The following CDH13 variants were observed in gnomAD, a reference collection of about 807,000 sequenced individuals.
The protein encoded by CDH13 is cadherin-13.
CDH13 carries 24 observed loss-of-function variants against 63.8 expected under a neutral mutation model. The observed-to-expected ratio is 0.38, with a 90% CI of 0.27 to 0.53. The LOEUF (loss-of-function observed/expected upper bound fraction) is 0.53, where lower values mean the gene tolerates loss of function less well. Among genes scored for constraint, CDH13 ranks in the 20% least tolerant of loss-of-function variants. The pLI is 0.85. For missense variants in CDH13, 1,049 were observed against 903.1 expected, an observed-to-expected ratio of 1.16 and a Z score of -2.07; for synonymous variants, 503 against 355.3, an observed-to-expected ratio of 1.42 and a Z score of -4.67.
chr16:83,497,604 A>G (rs949942293), intron 7 of CDH13, among the ~76,000 whole-genome samples: 1 of 152,080 alleles, frequency 6.6e-6, no homozygotes, highest in African/African-American at 2.4e-5. Context: ...TGGCACATGT[A>G]TACATATGTA....
At chr16:83,631,811 T>G (rs1819111034) in intron 8 of CDH13, among the ~76,000 whole-genome samples, 1 of 152,166 alleles carries the variant, frequency 6.6e-6, no homozygotes, top group South Asian at 2.1e-4. Flanking sequence ...GCCAATGAAC[T>G]TGTAGGTTGT....
At chr16:83,056,214 A>G (rs1302904158) in intron 3 of CDH13, among the ~76,000 whole-genome samples, 2 of 152,234 alleles carry the variant, frequency 1.3e-5, no homozygotes, top group Admixed American at 1.3e-4. Flanking sequence ...AGTAAGTATA[A>G]TAACAATAGC....
intron 3 of CDH13, among the ~76,000 whole-genome samples, chr16:83,088,998 T>C (rs1400921928): frequency 6.6e-6 from 1 of 152,186 alleles, no homozygotes; most frequent in Non-Finnish European, 1.5e-5. Flanking sequence ...GTAGTTGCAA[T>C]ACAAACAGTG....
At chr16:83,136,447 C>G (rs1245327067) in intron 4 of CDH13, among the ~76,000 whole-genome samples, 3 of 147,692 alleles carry the variant, frequency 2.0e-5, no homozygotes, top group Non-Finnish European at 4.4e-5. Context: ...GATCGCTCCA[C>G]TGCACTCCAG....
chr16:83,768,279 AT>A (rs1914533467), intron 11 of CDH13, among the ~76,000 whole-genome samples: 2 of 150,838 alleles, frequency 1.3e-5, no homozygotes, highest in African/African-American at 4.9e-5. Flanking sequence ...TGAAAAAAAA[AT>A]CTCAGTGTTT....
At chr16:83,405,118 C>G (rs779190551) in intron 6 of CDH13, among the ~76,000 whole-genome samples, 4 of 149,258 alleles carry the variant, frequency 2.7e-5, no homozygotes, top group Non-Finnish European at 4.5e-5. Flanking sequence ...TCTGAAGTCC[C>G]AATCCCTCTA....
intron 7 of CDH13, among the ~76,000 whole-genome samples, chr16:83,576,001 T>C (rs1905062367): frequency 6.6e-6 from 1 of 152,230 alleles, no homozygotes; most frequent in Non-Finnish European, 1.5e-5. Context: ...CGTTAATTGA[T>C]GTAAAATTCA....
chr16:83,390,174 C>G (rs927180694), intron 6 of CDH13, among the ~76,000 whole-genome samples: 1 of 150,498 alleles, frequency 6.6e-6, no homozygotes, highest in Non-Finnish European at 1.5e-5. Flanking sequence ...AGCTGAGGAA[C>G]TCAGAAACAC....
intron 5 of CDH13, among the ~76,000 whole-genome samples, chr16:83,335,529 A>G (rs1188193092): frequency 6.6e-6 from 1 of 152,076 alleles, no homozygotes; most frequent in Non-Finnish European, 1.5e-5. Flanking sequence ...GCCCTAAGGG[A>G]GGAGACCATC....
chr16:83,229,576 G>A (rs566224976), intron 5 of CDH13, among the ~76,000 whole-genome samples: 2 of 152,112 alleles, frequency 1.3e-5, no homozygotes, highest in East Asian at 3.9e-4. Context: ...GTTAGCTGTT[G>A]ATTTCTTTGA....
chr16:82,761,613 T>A (rs1790168907), intron 1 of CDH13, among the ~76,000 whole-genome samples: 1 of 152,230 alleles, frequency 6.6e-6, no homozygotes, highest in African/African-American at 2.4e-5. Context: ...ACTGGCAGTT[T>A]GTAGGCTTGT....
At chr16:83,320,997 C>G (rs1285922440) in intron 5 of CDH13, among the ~76,000 whole-genome samples, 1 of 152,170 alleles carries the variant, frequency 6.6e-6, no homozygotes, top group Non-Finnish European at 1.5e-5. Context: ...CTAAAGGAAA[C>G]TGAGACCATG....
intron 2 of CDH13, among the ~76,000 whole-genome samples, chr16:83,030,927 T>C (rs1916249817): frequency 6.6e-6 from 1 of 151,862 alleles, no homozygotes; most frequent in Non-Finnish European, 1.5e-5. Flanking sequence ...CCTAAAAACA[T>C]ATGGACTATT....
At chr16:82,942,982 T>G (rs1267920686) in intron 2 of CDH13, among the ~76,000 whole-genome samples, 1 of 152,216 alleles carries the variant, frequency 6.6e-6, no homozygotes, top group East Asian at 1.9e-4. Flanking sequence ...AAAGCTGAAT[T>G]TATTTGTATG....
chr16:83,040,857 T>C (rs1917271084), intron 3 of CDH13, among the ~76,000 whole-genome samples: 1 of 152,166 alleles, frequency 6.6e-6, no homozygotes, highest in Non-Finnish European at 1.5e-5. Flanking sequence ...AGACCTATGA[T>C]AAATGTTCAG....
At chr16:83,020,676 A>C (rs929743484) in intron 2 of CDH13, among the ~76,000 whole-genome samples, 2 of 152,142 alleles carry the variant, frequency 1.3e-5, no homozygotes, top group African/African-American at 4.8e-5. Context: ...TGGCCTAGGA[A>C]ACCAATATTG....
At chr16:83,016,289 T>A (rs772234915) in intron 2 of CDH13, among the ~76,000 whole-genome samples, 2 of 152,340 alleles carry the variant, frequency 1.3e-5, no homozygotes, top group South Asian at 2.1e-4. Flanking sequence ...TAAAGTCTTG[T>A]CAACTAGACA....
At chr16:83,519,522 T>C (rs755938281) in intron 7 of CDH13, among the ~76,000 whole-genome samples, 61 of 152,228 alleles carry the variant, frequency 4.0e-4, no homozygotes, top group Non-Finnish European at 2.2e-4. Context: ...GGAAGAAAAT[T>C]AGCCACTTTA....
chr16:83,767,112 A>G (rs1483681803), intron 11 of CDH13, among the ~76,000 whole-genome samples: 1 of 152,128 alleles, frequency 6.6e-6, no homozygotes, highest in African/African-American at 2.4e-5. Context: ...CAGGGATCCT[A>G]TTCTTCTAAT....
Sources: gnomAD v4.1 joint callset for allele counts (sites outside exome capture counted in the v4.1 genomes callset) on GRCh38, gnomAD v4.1.1 for gene constraint, MANE v1.5 for transcripts, NCBI Gene and HGNC (gene_info 2026-07-23, HGNC 2026-07-21) for gene names.